Variants in ATP2C1 observed in about 807,000 individuals in gnomAD.
ATP2C1 encodes ATPase secretory pathway Ca2+ transporting 1, also known as calcium-transporting ATPase type 2C member 1.
A neutral mutation model predicts 120.5 loss-of-function variants in ATP2C1; 31 were observed. The observed-to-expected ratio is 0.26, with a 90% CI of 0.19 to 0.35. ATP2C1 has a LOEUF of 0.35. Among genes scored for constraint, ATP2C1 ranks in the 10% least tolerant of loss-of-function variants. The pLI is 1.00. For missense variants in ATP2C1, 731 were observed against 1,107.5 expected, an observed-to-expected ratio of 0.66 and a Z score of 4.83; for synonymous variants, 351 against 358.7, an observed-to-expected ratio of 0.98 and a Z score of 0.24.
chr3:130,961,266 G>A (rs1227488679), intron 12 of ATP2C1, among the ~76,000 whole-genome samples: 1 of 145,702 alleles, frequency 6.9e-6, no homozygotes, highest in East Asian at 2.0e-4. Context: ...TTTTTTTTGA[G>A]TTCTGTTTGT....
chr3:130,930,717 T>C (rs1217802296), intron 3 of ATP2C1, among the ~76,000 whole-genome samples, 191 bp downstream of exon 3: 2 of 152,174 alleles, frequency 1.3e-5, no homozygotes, highest in African/African-American at 4.8e-5. Context: ...GAATTAAACA[T>C]GACTATATGA....
At chr3:131,011,524 G>A (rs2063316780) in intron 26 of ATP2C1, among the ~76,000 whole-genome samples, 1 of 152,174 alleles carries the variant, frequency 6.6e-6, no homozygotes, top group African/African-American at 2.4e-5. Context: ...ATTTTGGAAA[G>A]GGAATATGGG....
In ATP2C1 at chr3:130,883,372, T is replaced by G. The variant is rs946968512; in HGVS notation, c.108+32444T>G. ...TGCTCTGATCTTTATTACTTCTTTT[T>G]TCCTACTAATTTTGAGTTTGATGTG... On this transcript the variant is annotated intron_variant, in intron 1 of 26. Coordinates refer to the ATP2C1 transcript ENST00000504381. 3.9e-5 allele frequency among the ~76,000 whole-genome samples: 6 copies of G among 152,308 alleles called. No individual in the cohort carries two copies. The South Asian group carries it at 1.2e-3, about 32-fold the overall frequency.
At chr3:130,918,263 C>T (rs2058775475) in intron 2 of ATP2C1, 2 of 1,535,018 alleles carry the variant, frequency 1.3e-6, no homozygotes, top group South Asian at 1.1e-5. Context: ...ATAGCCAAAT[C>T]CCTTGGGCCC....
chr3:130,944,853 A>G (rs1008298377), intron 8 of ATP2C1, among the ~76,000 whole-genome samples: 1 of 152,194 alleles, frequency 6.6e-6, no homozygotes, highest in African/African-American at 2.4e-5. Context: ...AAAGATGCTC[A>G]AGTCCTTTAC....
At chr3:130,930,634 G>A (rs1191506589) in intron 3 of ATP2C1, 108 bp downstream of exon 3, 4 of 787,664 alleles carry the variant, frequency 5.1e-6, no homozygotes, top group Admixed American at 3.9e-5. Context: ...GAAATATTCT[G>A]TTCTGTGCCA....
chr3:130,925,266 C>T (rs777548396), intron 2 of ATP2C1, among the ~76,000 whole-genome samples: 13 of 152,172 alleles, frequency 8.5e-5, no homozygotes, highest in Non-Finnish European at 1.8e-4. Flanking sequence ...CCATGGGGTT[C>T]TCCCTTGATG....
chr3:130,894,759 T>G lies in ATP2C1; in HGVS notation c.-11T>G, dbSNP rs2107906318. On this transcript the variant is annotated 5_prime_UTR_variant, in exon 2 of 28. Coordinates refer to ENST00000510168, the MANE Select transcript of ATP2C1 (RefSeq NM_001378687.1). This position sits in a 1 kb window ranked among gnomAD's most constrained non-coding sequence, Gnocchi z 4.5. Reference sequence around the variant, plus strand: ...TTGTAGCCATCAACCCGAGTGCAGTTTCGATGGAAAATGAAGGTAAAGGCC... The same window carrying G: ...TTGTAGCCATCAACCCGAGTGCAGTGTCGATGGAAAATGAAGGTAAAGGCC... The G allele has an allele frequency of 2.5e-6, 4 of 1,614,184 alleles. No individual in the cohort carries two copies. The highest frequency in any genetic ancestry group is 3.4e-6 in the Non-Finnish European group (4 of 1,180,028).
chr3:130,902,101 G>A (rs567810156), intron 2 of ATP2C1, among the ~76,000 whole-genome samples: 6 of 152,066 alleles, frequency 3.9e-5, no homozygotes, highest in African/African-American at 7.2e-5. Context: ...CTAAGCCTTG[G>A]TTTCCTCACT....
chr3:130,987,135 A>G (rs2062059599), intron 20 of ATP2C1, among the ~76,000 whole-genome samples: 1 of 151,124 alleles, frequency 6.6e-6, no homozygotes, highest in African/African-American at 2.4e-5. Context: ...AAGAAAATCC[A>G]TTTCTGAATG....
chr3:130,873,841 G>A (rs2685187), intron 1 of ATP2C1, among the ~76,000 whole-genome samples: 28,106 of 152,010 alleles, frequency 0.18, 2,744 homozygotes, highest in Middle Eastern at 0.25. Context: ...GCCAGGCACC[G>A]TGGCTCACCC....
intron 14 of ATP2C1, 42 bp from the exon 15 acceptor site, chr3:130,967,103 T>G: frequency 6.9e-7 from 1 of 1,443,542 alleles, no homozygotes; most frequent in Non-Finnish European, 9.8e-7. Context: ...CCACCAAGTG[T>G]TTGTAGTGTT....
upstream of ATP2C1, among the ~76,000 whole-genome samples, chr3:130,889,206 A>G (rs561760930): frequency 4.1e-4 from 62 of 152,186 alleles, no homozygotes; most frequent in Non-Finnish European, 7.2e-4. Context: ...ACTTTGGGAT[A>G]TGAGAGGAAA....
At chr3:130,944,715 A>G (rs767209822) in intron 8 of ATP2C1, among the ~76,000 whole-genome samples, 7 of 152,204 alleles carry the variant, frequency 4.6e-5, no homozygotes, top group Non-Finnish European at 7.3e-5. Context: ...AATATTAATA[A>G]CTTAAGGAAT....
At chr3:130,864,968 C>A (rs2068121186) in intron 1 of ATP2C1, among the ~76,000 whole-genome samples, 1 of 152,160 alleles carries the variant, frequency 6.6e-6, no homozygotes, top group Non-Finnish European at 1.5e-5. Context: ...GAGAAGAGGG[C>A]CACCATCCTC....
At chr3:130,913,846 G>A (rs150426119) in intron 2 of ATP2C1, among the ~76,000 whole-genome samples, 4 of 152,170 alleles carry the variant, frequency 2.6e-5, no homozygotes, top group South Asian at 2.1e-4. Flanking sequence ...ACAATGGTTC[G>A]GTTCCTGGCC....
intron 4 of ATP2C1, 46 bp downstream of exon 4, chr3:130,932,184 A>T: frequency 8.7e-7 from 1 of 1,143,716 alleles, no homozygotes; most frequent in Non-Finnish European, 1.3e-6. Context: ...TTATTAATAC[A>T]TGGACTTCTG....
intron 12 of ATP2C1, among the ~76,000 whole-genome samples, chr3:130,961,301 G>C (rs544851847): frequency 5.4e-5 from 8 of 149,394 alleles, no homozygotes; most frequent in African/African-American, 2.0e-4. Context: ...CATAACTTCT[G>C]TTCTTTCTTC....
chr3:130,951,329 A>G (rs1441672438), intron 8 of ATP2C1, among the ~76,000 whole-genome samples: 4 of 152,174 alleles, frequency 2.6e-5, no homozygotes, highest in Admixed American at 1.3e-4. Context: ...TTGTACCTCT[A>G]TAACGTTGGA....
Sources: allele counts gnomAD v4.1 joint callset (sites outside exome capture counted in the v4.1 genomes callset), GRCh38; gene constraint gnomAD v4.1.1; non-coding constraint Gnocchi (gnomAD v3.1); transcripts MANE v1.5; gene names NCBI Gene and HGNC (gene_info 2026-07-23, HGNC 2026-07-21).